SSBP3: variants seen among roughly 807,000 people sequenced by gnomAD.
SSBP3 encodes the protein single stranded DNA binding protein 3.
SSBP3 carries 5 observed loss-of-function variants against 69.6 expected under a neutral mutation model. The ratio of observed to expected loss-of-function variants is 0.07; its 90% CI spans 0.04 to 0.15. The LOEUF (loss-of-function observed/expected upper bound fraction) is 0.15. SSBP3 is among the 10% of genes least tolerant of loss of function. The pLI, the probability that SSBP3 is intolerant of heterozygous loss-of-function variation, is 1.00. For synonymous variants in SSBP3, 196 were observed against 193.4 expected, an observed-to-expected ratio of 1.01 and a Z score of -0.11; for missense variants, 312 against 534.0, an observed-to-expected ratio of 0.58 and a Z score of 4.10.
At chr1:54,365,578 C>T (rs12064921) in intron 4 of SSBP3, among the ~76,000 whole-genome samples, 17,371 of 152,068 alleles carry the variant, frequency 0.11, 2,765 homozygotes, top group African/African-American at 0.36. Flanking sequence ...AGGCACATGC[C>T]CTCCCACTCA....
At chr1:54,355,855 G>A (rs113712343) in intron 4 of SSBP3, among the ~76,000 whole-genome samples, 501 of 152,274 alleles carry the variant, frequency 3.3e-3, no homozygotes, top group African/African-American at 0.012. Flanking sequence ...GAGGGGACAC[G>A]ATCCCACGTG....
intron 4 of SSBP3, among the ~76,000 whole-genome samples, chr1:54,289,935 C>T (rs1412984): frequency 0.61 from 92,603 of 151,936 alleles, 29,270 homozygotes; most frequent in East Asian, 0.78. Context: ...TCCCTTGTGA[C>T]CCAGCTCATG....
At position 54,316,681 on chromosome 1, in the gene SSBP3, TAAATAAATAAATAAATAAATAAATAAATA is replaced by T. The variant is rs202208634; in HGVS notation, c.277-35183_277-35155del. On this transcript the variant is annotated intron_variant, in intron 4 of 17. Transcript: ENST00000610401. The stretch of plus-strand genomic sequence containing the variant: ...AAAATAAAATAAATAAATAAATAAA[TAAATAAATAAATAAATAAATAAATAAATA>T]AAATAAAATAAAATAAAATAAAAAT... Among the ~76,000 whole-genome samples, 3 of 112,838 alleles carry T rather than the reference TAAATAAATAAATAAATAAATAAATAAATA, an allele frequency of 2.7e-5. 1 individual carries two copies. The highest frequency in any genetic ancestry group is 1.5e-4 in the African/African-American group (3 of 19,626). 74.0% of individuals were successfully genotyped at this position (112,838 alleles called of 152,430 possible).
intron 15 of SSBP3, 67 bp downstream of exon 15, chr1:54,228,681 C>G (rs1439832247): frequency 3.3e-5 from 50 of 1,529,914 alleles, no homozygotes; most frequent in Non-Finnish European, 4.4e-5. Context: ...CCAGCTGAGC[C>G]AGGAGCTGAG....
intron 4 of SSBP3, among the ~76,000 whole-genome samples, chr1:54,372,061 G>A (rs977018256): frequency 2.0e-5 from 3 of 152,166 alleles, no homozygotes; most frequent in African/African-American, 7.2e-5. Context: ...CCAACAACCA[G>A]ACCTGGGTTC....
intron 4 of SSBP3, among the ~76,000 whole-genome samples, chr1:54,365,969 T>C (rs1364334421): frequency 6.6e-6 from 1 of 152,208 alleles, no homozygotes; most frequent in Non-Finnish European, 1.5e-5. Context: ...CTAATCGCAG[T>C]TCTGACCTCA....
chr1:54,345,486 G>A (rs1163152040), intron 4 of SSBP3, among the ~76,000 whole-genome samples: 1 of 152,124 alleles, frequency 6.6e-6, no homozygotes, highest in Non-Finnish European at 1.5e-5. Context: ...TCAGAGAGAA[G>A]GAAGAGTAAT....
chr1:54,227,282 T>C (rs968587952), intron 17 of SSBP3, 122 bp from the exon 18 acceptor site: 35 of 715,176 alleles, frequency 4.9e-5, no homozygotes, highest in Admixed American at 3.9e-4. Context: ...GGGGATGTGG[T>C]TGAGCTGAGG....
intron 4 of SSBP3, among the ~76,000 whole-genome samples, chr1:54,337,642 T>A (rs1646534190): frequency 6.6e-6 from 1 of 151,698 alleles, no homozygotes; most frequent in Admixed American, 6.6e-5. Context: ...ACTACAGGCA[T>A]CCACCACCAC....
chr1:54,388,429 C>T (rs1648243964), intron 4 of SSBP3, among the ~76,000 whole-genome samples: 2 of 152,258 alleles, frequency 1.3e-5, no homozygotes, highest in Non-Finnish European at 2.9e-5. Flanking sequence ...CATGCCCACA[C>T]ACAGTGCCTG....
At chr1:54,317,726 G>A (rs767244913) in intron 4 of SSBP3, among the ~76,000 whole-genome samples, 2 of 152,046 alleles carry the variant, frequency 1.3e-5, no homozygotes, top group East Asian at 1.9e-4. Flanking sequence ...ACTCAAGGAG[G>A]GAAGACAGTG....
At chr1:54,362,641 T>TTGAAAGC (rs1291062722) in intron 4 of SSBP3, among the ~76,000 whole-genome samples, 3 of 152,326 alleles carry the variant, frequency 2.0e-5, no homozygotes, top group Non-Finnish European at 4.4e-5. Flanking sequence ...TCCCCCACCC[T>TTGAAAGC]ATAAGCTCCC....
intron 4 of SSBP3, among the ~76,000 whole-genome samples, chr1:54,321,827 T>A (rs1483937263): frequency 6.6e-6 from 1 of 151,998 alleles, no homozygotes; most frequent in African/African-American, 2.4e-5. Flanking sequence ...AGATAGAATG[T>A]CCCCCATGAG....
At chr1:54,233,466 G>A (rs1644422461) in intron 14 of SSBP3, among the ~76,000 whole-genome samples, 2 of 151,938 alleles carry the variant, frequency 1.3e-5, no homozygotes, top group African/African-American at 4.8e-5. Flanking sequence ...CCGGCTGGCA[G>A]CCACACCGTC....
chr1:54,335,641 G>A (rs533925228), intron 4 of SSBP3, among the ~76,000 whole-genome samples: 2 of 152,216 alleles, frequency 1.3e-5, no homozygotes, highest in East Asian at 1.9e-4. Flanking sequence ...CAAACACATC[G>A]ATTCAAGGAA....
At chr1:54,242,143 C>A in intron 11 of SSBP3, 21 bp downstream of exon 11, 1 of 1,612,192 alleles carries the variant, frequency 6.2e-7, no homozygotes, top group Non-Finnish European at 8.5e-7. Context: ...AAACACCACC[C>A]CACCCGACCC....
intron 4 of SSBP3, among the ~76,000 whole-genome samples, chr1:54,315,174 A>G (rs1317869621): frequency 1.3e-5 from 2 of 152,116 alleles, no homozygotes; most frequent in African/African-American, 4.8e-5. Context: ...CCCTGTACAG[A>G]TCAAGCACTG....
intron 4 of SSBP3, among the ~76,000 whole-genome samples, chr1:54,348,472 A>G (rs1446346279): frequency 6.6e-6 from 1 of 152,020 alleles, no homozygotes; most frequent in Non-Finnish European, 1.5e-5. Flanking sequence ...CAGCCTGCCA[A>G]ACAGGTGACA....
chr1:54,242,998 T>A, intron 10 of SSBP3: 1 of 515,742 alleles, frequency 1.9e-6, no homozygotes, highest in Admixed American at 3.4e-5. Context: ...AGGGTAATCA[T>A]GAAGATGAGG....
Sources: allele counts gnomAD v4.1 joint callset (sites outside exome capture counted in the v4.1 genomes callset), GRCh38; gene constraint gnomAD v4.1.1; transcripts MANE v1.5; gene names NCBI Gene and HGNC (gene_info 2026-07-23, HGNC 2026-07-21).